The following SNRK variants were observed in gnomAD, a reference collection of about 807,000 sequenced individuals.
SNRK encodes the protein SNF related kinase.
Under a neutral mutation model 48.2 loss-of-function variants are expected in SNRK, and 3 were observed. That is an observed-to-expected ratio of 0.06 (90% CI 0.03 to 0.16). The LOEUF is 0.16. Ranked by LOEUF, SNRK falls within the 10% of genes least tolerant of loss-of-function variation. The pLI is 1.00. For synonymous variants in SNRK, 376 were observed against 366.1 expected (o/e 1.03, Z -0.31); for missense variants, 627 against 976.0 (o/e 0.64, Z 4.76).
chr3:43,292,541 C>T (rs2090820763), intron 1 of SNRK, among the ~76,000 whole-genome samples: 1 of 152,140 alleles, frequency 6.6e-6, no homozygotes, highest in South Asian at 2.1e-4. Context: ...AGTAGGTATT[C>T]TTCAGAATCA....
chr3:43,312,411 T>C (rs1483637701), intron 3 of SNRK, among the ~76,000 whole-genome samples: 1 of 152,208 alleles, frequency 6.6e-6, no homozygotes, highest in Admixed American at 6.5e-5. Flanking sequence ...ACATCTTTTC[T>C]TTATAAATCT....
At chr3:43,315,422 T>C (rs2091006996) in intron 3 of SNRK, among the ~76,000 whole-genome samples, 1 of 152,228 alleles carries the variant, frequency 6.6e-6, no homozygotes, top group African/African-American at 2.4e-5. Context: ...TAGAAACAAA[T>C]GTTTTAGTAA....
At chr3:43,319,134 C>T (rs545769306) in intron 3 of SNRK, among the ~76,000 whole-genome samples, 32 of 152,188 alleles carry the variant, frequency 2.1e-4, no homozygotes, top group Admixed American at 6.5e-4. Flanking sequence ...AGTTAGTGAC[C>T]GGTCTCAGTT....
chr3:43,312,814 G>T (rs892347025), intron 3 of SNRK, among the ~76,000 whole-genome samples: 2 of 152,138 alleles, frequency 1.3e-5, no homozygotes, highest in African/African-American at 4.8e-5. Flanking sequence ...AACATGTAGA[G>T]ACTGAAATTT....
At chr3:43,316,496 AT>A (rs1163094076) in intron 3 of SNRK, among the ~76,000 whole-genome samples, 2 of 152,182 alleles carry the variant, frequency 1.3e-5, no homozygotes, top group African/African-American at 4.8e-5. Flanking sequence ...AGAATCAAAT[AT>A]TTTTAGACAT....
chr3:43,327,791 T>C (rs1316897549), intron 3 of SNRK, among the ~76,000 whole-genome samples: 2 of 152,200 alleles, frequency 1.3e-5, no homozygotes, highest in African/African-American at 4.8e-5. Flanking sequence ...AGTTATATTA[T>C]ATAGACCTGC....
At chr3:43,326,364 C>G (rs1020594899) in intron 3 of SNRK, among the ~76,000 whole-genome samples, 7 of 152,032 alleles carry the variant, frequency 4.6e-5, no homozygotes, top group Non-Finnish European at 8.8e-5. Context: ...GAGGGGGCCC[C>G]ACAATATTTG....
At position 43,316,352 on chromosome 3, in the gene SNRK, A is replaced by C. The variant is rs536305053; in HGVS notation, c.589+12560A>C. Among the ~76,000 whole-genome samples, 4 of 150,232 alleles carry C rather than the reference A, an allele frequency of 2.7e-5. No individual in the cohort carries two copies. In the Admixed American group the frequency reaches 2.7e-4, roughly 10 times the overall value. On this transcript the variant is annotated intron_variant, in intron 3 of 6. Transcript: ENST00000296088. ...TCAGTTTCACCTGGGGGAGATTTTTAAAAAATACCTATGTTGCCTGGGCCC... is the reference window on the plus strand; with the variant it reads ...TCAGTTTCACCTGGGGGAGATTTTTCAAAAATACCTATGTTGCCTGGGCCC...
chr3:43,300,409 T>G (rs1280671264), intron 2 of SNRK, among the ~76,000 whole-genome samples: 3 of 152,152 alleles, frequency 2.0e-5, no homozygotes, highest in African/African-American at 7.2e-5. Context: ...TATATGTCAC[T>G]TTCCAGGAAC....
chr3:43,324,435 G>GC (rs2091079490), intron 3 of SNRK, among the ~76,000 whole-genome samples: 1 of 151,998 alleles, frequency 6.6e-6, no homozygotes, highest in Non-Finnish European at 1.5e-5. Flanking sequence ...CTTGAACCTG[G>GC]GATGTGGAGG....
Position 43,340,448 on chromosome 3 carries a change from T to G in SNRK, c.893T>G (p.Ile298Ser). ...CTCTCGGAAGAGGAGCACAACAGCA[T>G]CATTCAGCGCATGGTGCTTGGGGAC... ...KNLSEEEHNSIIQRMVLGDIA... is the reference protein window; with the variant it reads ...KNLSEEEHNSSIQRMVLGDIA... The change falls in exon 5 of 7, where the codon ATC becomes AGC. Residue 298 changes from isoleucine to serine, a missense_variant. Physicochemically the swap from Ile to Ser is moderately radical, Grantham distance 142 (BLOSUM62 -2). This residue lies in a region of SNRK where 175 missense variants were observed against 209.7 expected (regional missense o/e 0.83). Transcript: ENST00000296088. 1.2e-6 allele frequency: 2 copies of G among 1,614,160 alleles called. No individual in the cohort carries two copies. The highest frequency in any genetic ancestry group is 1.7e-6 in the Non-Finnish European group (2 of 1,180,016).
intron 4 of SNRK, among the ~76,000 whole-genome samples, chr3:43,334,321 T>C (rs1261343693): frequency 2.0e-5 from 3 of 151,824 alleles, no homozygotes; most frequent in Admixed American, 2.0e-4. Flanking sequence ...ATTAGCCAGT[T>C]ACGGTGGCTC....
At chr3:43,343,575 GAGAGT>G (rs2091253717) in intron 6 of SNRK, 97 bp downstream of exon 6, 4 of 1,336,090 alleles carry the variant, frequency 3.0e-6, no homozygotes, top group Non-Finnish European at 3.1e-6. Flanking sequence ...TTTGGGGCAA[GAGAGT>G]ACAAACAGTG....
At chr3:43,327,792 A>G (rs1394599096) in intron 3 of SNRK, among the ~76,000 whole-genome samples, 1 of 152,188 alleles carries the variant, frequency 6.6e-6, no homozygotes, top group East Asian at 1.9e-4. Flanking sequence ...GTTATATTAT[A>G]TAGACCTGCT....
chr3:43,331,275 A>G lies in SNRK; in HGVS notation c.590-894A>G, dbSNP rs143698707. On this transcript the variant is annotated intron_variant, in intron 3 of 6. Transcript: ENST00000296088. Reference sequence around the variant, plus strand: ...GTGATGCCTTTCCTAAGTCCTTTTCATCTTAAAAATTTTTTTTCATCTGAA... The same window carrying G: ...GTGATGCCTTTCCTAAGTCCTTTTCGTCTTAAAAATTTTTTTTCATCTGAA... Among the ~76,000 whole-genome samples, 443 of 152,286 alleles carry G rather than the reference A, an allele frequency of 2.9e-3. 1 individual carries two copies. The highest frequency in any genetic ancestry group is 0.01 in the African/African-American group (427 of 41,546).
chr3:43,336,373 G>C (rs976114881), intron 4 of SNRK, among the ~76,000 whole-genome samples: 10 of 151,704 alleles, frequency 6.6e-5, no homozygotes, highest in Non-Finnish European at 1.3e-4. Flanking sequence ...TGTTGCCCAG[G>C]CTGGAATACA....
intron 3 of SNRK, among the ~76,000 whole-genome samples, chr3:43,325,827 G>GT (rs1478292855): frequency 6.6e-6 from 1 of 152,124 alleles, no homozygotes; most frequent in Non-Finnish European, 1.5e-5. Flanking sequence ...CCTTGGATGA[G>GT]TATCCATATT....
intron 4 of SNRK, among the ~76,000 whole-genome samples, chr3:43,336,934 A>G (rs997570993): frequency 2.0e-5 from 3 of 151,818 alleles, no homozygotes; most frequent in African/African-American, 7.3e-5. Context: ...TTGTATTTTT[A>G]GTAGAGACGG....
chr3:43,291,652 G>A (rs1309882722), intron 1 of SNRK, among the ~76,000 whole-genome samples: 1 of 152,118 alleles, frequency 6.6e-6, no homozygotes, highest in African/African-American at 2.4e-5. Context: ...ATTTTATCAA[G>A]ACATGCCTTT....
Sources: allele counts gnomAD v4.1 joint callset (sites outside exome capture counted in the v4.1 genomes callset), GRCh38; gene constraint gnomAD v4.1.1; regional missense constraint gnomAD v4.1.1; transcripts MANE v1.5; gene names NCBI Gene and HGNC (gene_info 2026-07-23, HGNC 2026-07-21).